SYT16: variants seen among roughly 807,000 people sequenced by gnomAD.
SYT16 encodes synaptotagmin-16.
In SYT16, 42 loss-of-function variants were observed where a neutral mutation model predicts 61.4. That is an observed-to-expected ratio of 0.68 (90% CI 0.53 to 0.89). The LOEUF is 0.89. SYT16 is among the 40% of genes least tolerant of loss of function. The pLI is 0.00. For missense variants in SYT16, 804 were observed against 807.3 expected (o/e 1.00, Z 0.05); for synonymous variants, 314 against 302.3 (o/e 1.04, Z -0.40).
At chr14:61,890,412 A>G (rs551479408) in intron 1 of SYT16, among the ~76,000 whole-genome samples, 2 of 152,180 alleles carry the variant, frequency 1.3e-5, no homozygotes, top group South Asian at 2.1e-4. Context: ...TGACCCAACC[A>G]AAGTGGAGGG....
intron 1 of SYT16, among the ~76,000 whole-genome samples, chr14:61,925,076 G>T (rs2140413447): frequency 6.6e-6 from 1 of 152,310 alleles, no homozygotes; most frequent in Admixed American, 6.5e-5. Context: ...GCGCCCTCTT[G>T]ATTTGGCACA....
At chr14:61,861,689 G>GC (rs781309520) in intron 1 of SYT16, among the ~76,000 whole-genome samples, 6 of 152,172 alleles carry the variant, frequency 3.9e-5, no homozygotes, top group Non-Finnish European at 7.3e-5. Context: ...ACAGGTATGG[G>GC]CCACCATGCC....
intron 1 of SYT16, among the ~76,000 whole-genome samples, chr14:61,899,953 T>C (rs2048454121): frequency 1.3e-5 from 2 of 152,174 alleles, no homozygotes; most frequent in South Asian, 4.1e-4. Context: ...ATTGATAAAA[T>C]GACTGACATA....
Position 62,100,898 on chromosome 14 carries a change from CACAT to C in SYT16, c.*195_*198del. ...TTTAAATATTGTAATTTTAAAAACA[CACAT>C]ACACAGTGAAGTGTCCGTATGGAAA... On this transcript the variant is annotated 3_prime_UTR_variant, in exon 8 of 8. Transcript: ENST00000683842. 1.2e-5 allele frequency: 7 copies of C among 598,974 alleles called. No homozygotes were observed. Among genetic ancestry groups the C allele is most frequent in the Non-Finnish European group, 2.0e-5 (7 of 344,788 alleles). 37.1% of individuals were successfully genotyped at this position (598,974 alleles called of 1,614,324 possible).
chr14:61,979,522 T>A (rs1457573001), intron 2 of SYT16, among the ~76,000 whole-genome samples: 2 of 152,162 alleles, frequency 1.3e-5, no homozygotes, highest in Non-Finnish European at 2.9e-5. Context: ...GAATCTTAAG[T>A]GAATCAAATA....
rs2057607550 is a variant in SYT16 at position 62,111,464 on chromosome 14, A to T, written c.*10757A>T. 1 of 151,086 alleles carries T rather than the reference A, an allele frequency of 6.6e-6. No homozygotes were observed. Among genetic ancestry groups the T allele is most frequent in the Non-Finnish European group, 1.5e-5 (1 of 67,948 alleles). 9.4% of individuals were successfully genotyped at this position (151,086 alleles called of 1,614,324 possible). On this transcript the variant is annotated 3_prime_UTR_variant, in exon 8 of 8. Transcript: ENST00000683842. ...CTATGCTTACTTTAATACATTATTTATATGTGCTAGACTGTGCTGAGTTTT... is the reference window on the plus strand; with the variant it reads ...CTATGCTTACTTTAATACATTATTTTTATGTGCTAGACTGTGCTGAGTTTT...
rs781727444 is a variant in SYT16 at position 62,064,334 on chromosome 14, GAAAAA to G, written c.524-5249_524-5245del. ...TAGACAAGAGCCAAACTTTAAATTTGAAAAAAAAAAAAAAAAAAAAAAAAGAAAAC... is the reference window on the plus strand; with the variant it reads ...TAGACAAGAGCCAAACTTTAAATTTGAAAAAAAAAAAAAAAAAAAGAAAAC... On this transcript the variant is annotated intron_variant, in intron 3 of 7. Coordinates refer to ENST00000683842, the MANE Select transcript of SYT16 (RefSeq NM_001367656.1). 6.8e-3 allele frequency among the ~76,000 whole-genome samples: 292 copies of G among 42,984 alleles called. 3 individuals are homozygous for G. The highest frequency in any genetic ancestry group is 0.019 in the African/African-American group (235 of 12,074). The allele number at this position is 42,984 out of a possible 152,430, so 28.2% of individuals were successfully genotyped here. A position where few individuals can be genotyped will look rare whatever the true frequency, so the allele number is the denominator to read the frequency against.
chr14:62,005,175 G>A (rs2053172501), intron 3 of SYT16, among the ~76,000 whole-genome samples: 1 of 152,156 alleles, frequency 6.6e-6, no homozygotes, highest in Admixed American at 6.5e-5. Flanking sequence ...GTGAAGATGA[G>A]GACACAATTT....
At chr14:61,953,392 C>T (rs1485124285) in intron 1 of SYT16, among the ~76,000 whole-genome samples, 1 of 152,014 alleles carries the variant, frequency 6.6e-6, no homozygotes, top group Non-Finnish European at 1.5e-5. Flanking sequence ...TTAATCTCCT[C>T]TTTGAAAACT....
intron 3 of SYT16, among the ~76,000 whole-genome samples, chr14:62,045,333 T>C (rs1595250328): frequency 6.6e-6 from 1 of 152,120 alleles, no homozygotes; most frequent in Non-Finnish European, 1.5e-5. Flanking sequence ...CACCTAGTCT[T>C]TGAAGGTTGG....
chr14:61,981,956 G>A (rs34467961), intron 2 of SYT16, among the ~76,000 whole-genome samples: 2,627 of 152,288 alleles, frequency 0.017, 34 homozygotes, highest in Non-Finnish European at 0.028. Context: ...CTGTGGAAAT[G>A]TTTAACACCT....
rs908868786 is a variant in SYT16 at position 61,938,015 on chromosome 14, T to C, written c.-324-32117T>C. On this transcript the variant is annotated intron_variant, in intron 1 of 7. Coordinates refer to ENST00000683842, the MANE Select transcript of SYT16 (RefSeq NM_001367656.1). ...TGAGGCCTCTTCTGTTGCCCCAACC[T>C]CCTACCCCGCAACACACACACACAC... Among the ~76,000 whole-genome samples the C allele has an allele frequency of 1.2e-3, 24 of 19,270 alleles. No homozygotes were observed. The South Asian group carries it at 0.062, about 50-fold the overall frequency. 12.6% of individuals were successfully genotyped at this position (19,270 alleles called of 152,430 possible).
intron 4 of SYT16, among the ~76,000 whole-genome samples, chr14:62,074,528 T>C (rs544725123): frequency 4.2e-4 from 64 of 152,308 alleles, no homozygotes; most frequent in Non-Finnish European, 8.5e-4. Context: ...GTGAATATTA[T>C]TTCATGTGTC....
intron 1 of SYT16, among the ~76,000 whole-genome samples, chr14:61,902,192 A>G (rs1272240384): frequency 1.1e-4 from 16 of 152,048 alleles, no homozygotes; most frequent in Admixed American, 8.5e-4. Context: ...TTCATTCTCT[A>G]TGTGCCCCTT....
intron 1 of SYT16, among the ~76,000 whole-genome samples, chr14:61,904,457 T>C (rs974347591): frequency 3.9e-5 from 6 of 152,204 alleles, no homozygotes; most frequent in Admixed American, 3.9e-4. Flanking sequence ...CCTGTGATGT[T>C]ATGAGGTTGT....
At position 62,100,376 on chromosome 14, in the gene SYT16, CT is replaced by C. The variant is rs749150838; in HGVS notation, c.1625-8del. The stretch of plus-strand genomic sequence containing the variant: ...TGTTTCTTATCATCCCCACCCCACC[CT>C]TTTTTTTTTGTCTTAGATACATATG... On this transcript the variant is annotated splice_polypyrimidine_tract_variant and intron_variant, in intron 7 of 7. Transcript: ENST00000683842. The C allele has an allele frequency of 6.0e-3, 7,263 of 1,213,684 alleles. No homozygotes were observed. The highest frequency in any genetic ancestry group is 0.014 in the Admixed American group (581 of 40,648). 75.2% of individuals were successfully genotyped at this position (1,213,684 alleles called of 1,614,324 possible).
intron 3 of SYT16, among the ~76,000 whole-genome samples, chr14:62,002,567 G>T (rs1435089045): frequency 6.6e-6 from 1 of 152,082 alleles, no homozygotes; most frequent in Non-Finnish European, 1.5e-5. Flanking sequence ...GGCAATTGCT[G>T]TGTTCCTATG....
intron 7 of SYT16, among the ~76,000 whole-genome samples, chr14:62,092,195 CACA>C (rs2057105948): frequency 1.0e-5 from 1 of 97,798 alleles, no homozygotes; most frequent in Non-Finnish European, 2.4e-5. Context: ...CACACACACA[CACA>C]CACACACACA....
intron 3 of SYT16, among the ~76,000 whole-genome samples, chr14:62,068,716 G>T (rs1022366527): frequency 1.3e-5 from 2 of 152,162 alleles, no homozygotes; most frequent in African/African-American, 2.4e-5. Context: ...CAAAGGTTGG[G>T]TTGTTGATGC....
Sources: allele counts gnomAD v4.1 joint callset (sites outside exome capture counted in the v4.1 genomes callset), GRCh38; gene constraint gnomAD v4.1.1; transcripts MANE v1.5; gene names NCBI Gene and HGNC (gene_info 2026-07-23, HGNC 2026-07-21).